Variants in CEP126 observed in about 807,000 individuals in gnomAD.
CEP126 encodes the protein centrosomal protein 126, also known as centrosomal protein of 126 kDa.
In CEP126, 74 loss-of-function variants were observed where a neutral mutation model predicts 107.8. The observed-to-expected ratio is 0.69, with a 90% confidence interval of 0.57 to 0.83. CEP126 has a LOEUF of 0.83. CEP126 is among the 40% of genes least tolerant of loss of function. The probability of loss-of-function intolerance (pLI) is 0.00; values close to 1 mark genes in which losing one functional copy is unlikely to be tolerated. For missense variants in CEP126, 1,237 were observed against 1,281.9 expected (o/e 0.96, Z 0.53); for synonymous variants, 449 against 446.0 (o/e 1.01, Z -0.08).
chr11:101,939,873 G>A (rs1940640884), intron 2 of CEP126, among the ~76,000 whole-genome samples: 1 of 152,158 alleles, frequency 6.6e-6, no homozygotes, highest in Admixed American at 6.5e-5. Flanking sequence ...ACAGTGTTGT[G>A]TAGAGTTAGC....
intron 2 of CEP126, among the ~76,000 whole-genome samples, chr11:101,930,201 G>A (rs1940474429): frequency 6.6e-6 from 1 of 151,454 alleles, no homozygotes; most frequent in Non-Finnish European, 1.5e-5. Context: ...TATCTCTGGT[G>A]ATTGGTTCCA....
intron 2 of CEP126, among the ~76,000 whole-genome samples, chr11:101,931,077 A>G (rs1940492500): frequency 6.6e-6 from 1 of 152,012 alleles, no homozygotes. Flanking sequence ...AAATTGAGGG[A>G]TTTTGTTAGA....
At chr11:101,959,030 T>C (rs971400817) in intron 5 of CEP126, among the ~76,000 whole-genome samples, 6 of 152,164 alleles carry the variant, frequency 3.9e-5, no homozygotes, top group Non-Finnish European at 1.5e-5. Context: ...GGGAAAGAAA[T>C]GATGTAAGCC....
At chr11:101,971,242 G>A (rs1342962326) in intron 6 of CEP126, among the ~76,000 whole-genome samples, 1 of 151,998 alleles carries the variant, frequency 6.6e-6, no homozygotes, top group Non-Finnish European at 1.5e-5. Context: ...CCCAAGTACT[G>A]GGATTGTAGG....
chr11:101,915,499 G>A, intron 1 of CEP126, 87 bp downstream of exon 1: 3 of 1,495,636 alleles, frequency 2.0e-6, no homozygotes, highest in South Asian at 2.6e-5. Flanking sequence ...TACCTTTGAC[G>A]CAGGGTGATC....
chr11:101,934,670 A>G (rs1467348242), intron 2 of CEP126, among the ~76,000 whole-genome samples: 1 of 152,012 alleles, frequency 6.6e-6, no homozygotes, highest in Admixed American at 6.6e-5. Flanking sequence ...ATCAGAGTTA[A>G]TTTTTCATGT....
Position 101,963,195 on chromosome 11 carries a change from C to T in CEP126, c.2160C>T (p.Asn720=), listed in dbSNP as rs201246088. ...PLNCFIPSGY[N]FAKHAWPASK... ...ACTGTTTTATACCTTCAGGTTATAA[C>T]TTTGCTAAACATGCCTGGCCAGCCT... Residue 720 remains asparagine (N), a synonymous_variant, in exon 6 of 11, where the codon AAC becomes AAT. Coordinates refer to ENST00000263468, the MANE Select transcript of CEP126 (RefSeq NM_020802.4). The T allele has an allele frequency of 9.9e-6, 16 of 1,613,866 alleles. No homozygotes were observed. In the South Asian group the frequency reaches 1.5e-4, roughly 16 times the overall value.
chr11:102,000,872 C>T lies in CEP126; in HGVS notation c.*3229C>T, dbSNP rs1941500528. 6.6e-6 allele frequency: 1 copy of T among 152,032 alleles called. No homozygotes were observed. Among genetic ancestry groups the T allele is most frequent in the Non-Finnish European group, 1.5e-5 (1 of 68,010 alleles). 9.4% of individuals were successfully genotyped at this position (152,032 alleles called of 1,614,324 possible). A position where few individuals can be genotyped will look rare whatever the true frequency, so the allele number is the denominator to read the frequency against. ...GATTACCATGAACTTATTTTAAATCCATATTGTACCAGAATGACTATGTCT... is the reference window on the plus strand; with the variant it reads ...GATTACCATGAACTTATTTTAAATCTATATTGTACCAGAATGACTATGTCT... On this transcript the variant is annotated 3_prime_UTR_variant, in exon 11 of 11. Transcript: ENST00000263468.
At chr11:101,978,240 C>A in intron 6 of CEP126, 107 bp from the exon 7 acceptor site, 1 of 721,464 alleles carries the variant, frequency 1.4e-6, no homozygotes, top group Non-Finnish European at 2.4e-6. Context: ...ATGAATTAAA[C>A]TTACAGAGTT....
At chr11:101,965,881 T>C (rs1016524257) in intron 6 of CEP126, among the ~76,000 whole-genome samples, 1 of 152,192 alleles carries the variant, frequency 6.6e-6, no homozygotes, top group Non-Finnish European at 1.5e-5. Flanking sequence ...GTGCTTTTTC[T>C]ACTAAAATCA....
chr11:101,979,644 C>T (rs990757573), intron 7 of CEP126, among the ~76,000 whole-genome samples: 11 of 151,982 alleles, frequency 7.2e-5, no homozygotes, highest in African/African-American at 2.4e-4. Flanking sequence ...GCTGAGGTTC[C>T]GGGAGGATGC....
chr11:101,944,305 C>T lies in CEP126; in HGVS notation c.289C>T (p.His97Tyr). ...EKRKEQEEKE[H>Y]QIREQILQQR... Reference sequence around the variant, plus strand: ...ACGAAAAGAACAGGAAGAAAAAGAACACCAAATTAGAGAACAAATACTTCA... The same window carrying T: ...ACGAAAAGAACAGGAAGAAAAAGAATACCAAATTAGAGAACAAATACTTCA... Residue 97 changes from histidine to tyrosine, a missense_variant, in exon 3 of 11, where the codon CAC (histidine) becomes TAC (tyrosine). Coordinates refer to ENST00000263468, the MANE Select transcript of CEP126 (RefSeq NM_020802.4). The T allele has an allele frequency of 1.9e-6, 3 of 1,607,740 alleles. No individual in the cohort carries two copies. Among genetic ancestry groups the T allele is most frequent in the Non-Finnish European group, 2.5e-6 (3 of 1,178,116 alleles).
chr11:101,933,080 A>T (rs2036080793), intron 2 of CEP126, among the ~76,000 whole-genome samples: 1 of 152,204 alleles, frequency 6.6e-6, no homozygotes, highest in Non-Finnish European at 1.5e-5. Flanking sequence ...CAGGCTCTGC[A>T]CTCAGTGAAC....
rs1277647939 is a variant in CEP126 at position 102,000,041 on chromosome 11, A to G, written c.*2398A>G. The G allele has an allele frequency of 6.6e-6, 1 of 152,216 alleles. No homozygotes were observed. Among genetic ancestry groups the G allele is most frequent in the Non-Finnish European group, 1.5e-5 (1 of 68,134 alleles). 9.4% of individuals were successfully genotyped at this position (152,216 alleles called of 1,614,324 possible). ...ACTAAAAATACAAAAATAGCTGGGC[A>G]TGGTGGCACGCACCTCTACTCCCAG... On this transcript the variant is annotated 3_prime_UTR_variant, in exon 11 of 11. Coordinates refer to ENST00000263468, the MANE Select transcript of CEP126 (RefSeq NM_020802.4).
rs1472408836 is a variant in CEP126, at chr11:101,937,647, A to G, written c.249-6618A>G. On this transcript the variant is annotated intron_variant, in intron 2 of 10. Coordinates refer to ENST00000263468, the MANE Select transcript of CEP126 (RefSeq NM_020802.4). ...CATAGTTATGCTGGCCTTATAAAAC[A>G]TGGTGGGGAGTGTTTTGTTCACCTC... is the stretch of plus-strand genomic sequence containing the variant. Among the ~76,000 whole-genome samples, 4 of 152,272 alleles carry G rather than the reference A, an allele frequency of 2.6e-5. No individual in the cohort carries two copies. The South Asian group carries it at 6.2e-4, about 24-fold the overall frequency.
At chr11:101,960,533 T>C (rs11225088) in intron 5 of CEP126, among the ~76,000 whole-genome samples, 10,722 of 152,192 alleles carry the variant, frequency 0.07, 575 homozygotes, top group East Asian at 0.27. Flanking sequence ...GGTTGAGTGA[T>C]TATCACTTTA....
intron 6 of CEP126, among the ~76,000 whole-genome samples, chr11:101,977,556 G>T (rs1389127239): frequency 6.7e-6 from 1 of 150,296 alleles, no homozygotes; most frequent in Non-Finnish European, 1.5e-5. Context: ...ACCTGATCCC[G>T]GGAGGCAGAG....
intron 2 of CEP126, among the ~76,000 whole-genome samples, chr11:101,929,142 C>T (rs1196397145): frequency 6.6e-6 from 1 of 152,174 alleles, no homozygotes; most frequent in Non-Finnish European, 1.5e-5. Flanking sequence ...CAAACATGCT[C>T]ATTGAAGCAT....
intron 6 of CEP126, among the ~76,000 whole-genome samples, chr11:101,968,419 G>GA (rs1173785436): frequency 6.6e-6 from 1 of 151,728 alleles, no homozygotes; most frequent in Non-Finnish European, 1.5e-5. Flanking sequence ...GTGGATGAAG[G>GA]AAAAAATGAA....
Sources: allele counts gnomAD v4.1 joint callset (sites outside exome capture counted in the v4.1 genomes callset), GRCh38; gene constraint gnomAD v4.1.1; transcripts MANE v1.5; gene names NCBI Gene and HGNC (gene_info 2026-07-23, HGNC 2026-07-21).